PCDHGA2: variants seen among roughly 807,000 people sequenced by gnomAD.
The protein encoded by PCDHGA2 is protocadherin gamma subfamily A, 2, also known as protocadherin gamma-A2.
In PCDHGA2, 40 loss-of-function variants were observed where a neutral mutation model predicts 59.2. The observed-to-expected ratio is 0.68, with a 90% CI of 0.52 to 0.88. PCDHGA2 has a LOEUF of 0.88. Among genes scored for constraint, PCDHGA2 ranks in the 40% least tolerant of loss-of-function variants. The pLI is 0.00. For synonymous variants in PCDHGA2, 560 were observed against 526.0 expected, an observed-to-expected ratio of 1.06 and a Z score of -0.89; for missense variants, 1,226 against 1,204.0, an observed-to-expected ratio of 1.02 and a Z score of -0.27.
chr5:141,350,086 C>G, intron 1 of PCDHGA2: 1 of 443,952 alleles, frequency 2.3e-6, no homozygotes, highest in Non-Finnish European at 3.8e-6. Context: ...TCTGCAGGAG[C>G]GTCAGGCAGG....
chr5:141,405,444 G>A, intron 1 of PCDHGA2: 1 of 1,379,466 alleles, frequency 7.2e-7, no homozygotes, highest in South Asian at 1.3e-5. Flanking sequence ...TTTTGAGACA[G>A]AGTCTTACTC....
At chr5:141,388,536 G>A (rs1262935958) in intron 1 of PCDHGA2, 1 of 1,613,716 alleles carries the variant, frequency 6.2e-7, no homozygotes, top group Non-Finnish European at 8.5e-7. Context: ...CTTGGACTTT[G>A]GAGCTCCACC....
chr5:141,436,393 A>G (rs560164691), intron 1 of PCDHGA2, among the ~76,000 whole-genome samples: 2 of 152,342 alleles, frequency 1.3e-5, no homozygotes, highest in South Asian at 4.1e-4. Context: ...GCTTTATTAA[A>G]TAGTTGTTGA....
At position 141,477,284 on chromosome 5, in the gene PCDHGA2, G is replaced by A. The variant is rs751714522; in HGVS notation, c.2425-17523G>A. 5.0e-6 allele frequency: 8 copies of A among 1,614,150 alleles called. No homozygotes were observed. The South Asian group carries it at 6.6e-5, about 13-fold the overall frequency. ...TGGCGAGAACGGGCTGGTGACCTGC[G>A]AAGTTCCACCGGGTCTCCCTTTCAG... On this transcript the variant is annotated intron_variant, in intron 1 of 3. Transcript: ENST00000394576. This position sits in a 1 kb window ranked among gnomAD's most constrained non-coding sequence, Gnocchi z 4.9.
intron 1 of PCDHGA2, chr5:141,356,925 G>A: frequency 6.2e-7 from 1 of 1,614,212 alleles, no homozygotes. Context: ...CCACTGGTGT[G>A]GAGCTGGCAC....
chr5:141,384,402 GTCC>G lies in PCDHGA2; in HGVS notation c.2424+43012_2424+43014del, dbSNP rs781624552. ...AAGACACCATCCAGGGGGCTCCAGTGTCCTCCTATGTCTCCATAAACTCTGACA... is the reference window on the plus strand; with the variant it reads ...AAGACACCATCCAGGGGGCTCCAGTGTCCTATGTCTCCATAAACTCTGACA... On this transcript the variant is annotated intron_variant, in intron 1 of 3. Coordinates refer to ENST00000394576, the MANE Select transcript of PCDHGA2 (RefSeq NM_018915.4). The G allele has an allele frequency of 1.8e-5, 29 of 1,613,830 alleles. No homozygotes were observed. The African/African-American group carries it at 2.4e-4, about 13-fold the overall frequency.
intron 1 of PCDHGA2, chr5:141,400,528 A>T (rs764084750): frequency 1.9e-6 from 3 of 1,613,868 alleles, no homozygotes; most frequent in Non-Finnish European, 2.5e-6. Context: ...TGAGTTGGTG[A>T]GTTTCATTTA....
Position 141,431,072 on chromosome 5 carries a change from A to G in PCDHGA2, c.2425-63735A>G. On this transcript the variant is annotated intron_variant, in intron 1 of 3. Transcript: ENST00000394576. The surrounding 1 kb of genome is among the most constrained non-coding windows in gnomAD (Gnocchi z 4.8). ...TATGGGGGCCATCAAGTGTCAATTA[A>G]ATCTAGACATTCTGATGGAGGATAA... is the stretch of plus-strand genomic sequence containing the variant. 1 of 1,614,220 alleles carries G rather than the reference A, an allele frequency of 6.2e-7. No individual in the cohort carries two copies. Among genetic ancestry groups the G allele is most frequent in the Non-Finnish European group, 8.5e-7 (1 of 1,180,012 alleles).
At chr5:141,376,250 C>T (rs777637519) in intron 1 of PCDHGA2, 13 of 1,614,128 alleles carry the variant, frequency 8.1e-6, no homozygotes, top group African/African-American at 8.0e-5. Flanking sequence ...GCACAAGTCA[C>T]GCCTGCTGCA....
intron 1 of PCDHGA2, chr5:141,394,196 C>G (rs760903381): frequency 2.7e-5 from 44 of 1,613,792 alleles, no homozygotes; most frequent in African/African-American, 4.0e-5. Flanking sequence ...CAGCGTATAT[C>G]CTAGAGAACA....
intron 1 of PCDHGA2, among the ~76,000 whole-genome samples, chr5:141,472,725 C>T (rs1250092748): frequency 6.6e-6 from 1 of 152,022 alleles, no homozygotes; most frequent in Non-Finnish European, 1.5e-5. Flanking sequence ...GTGGCTCACA[C>T]CTGTAATCCC....
chr5:141,375,308 G>A (rs761294258), intron 1 of PCDHGA2: 1 of 1,613,722 alleles, frequency 6.2e-7, no homozygotes, highest in African/African-American at 1.3e-5. Flanking sequence ...GACAAATGCA[G>A]CTCTAGACCG....
At chr5:141,433,103 C>T (rs762225174) in intron 1 of PCDHGA2, 3 of 1,614,126 alleles carry the variant, frequency 1.9e-6, no homozygotes, top group Non-Finnish European at 2.5e-6. Flanking sequence ...GCTCGTCAGC[C>T]AGGAGAGCTT....
At chr5:141,475,046 T>C (rs1430484084) in intron 1 of PCDHGA2, among the ~76,000 whole-genome samples, 1 of 152,274 alleles carries the variant, frequency 6.6e-6, no homozygotes, top group African/African-American at 2.4e-5. Context: ...CTTTGTATTT[T>C]CTAAAGATTT....
chr5:141,399,146 G>T (rs758823968), intron 1 of PCDHGA2: 1 of 1,613,792 alleles, frequency 6.2e-7, no homozygotes, highest in East Asian at 2.2e-5. Context: ...AATGACAATA[G>T]CCCAGAAGTT....
chr5:141,403,109 G>A (rs754708762), intron 1 of PCDHGA2: 3 of 1,614,074 alleles, frequency 1.9e-6, no homozygotes. Context: ...CAAGGACCTG[G>A]CTCTGGAGCC....
intron 1 of PCDHGA2, among the ~76,000 whole-genome samples, chr5:141,456,046 C>T (rs759479772): frequency 1.3e-5 from 2 of 151,904 alleles, no homozygotes; most frequent in Non-Finnish European, 2.9e-5. Context: ...TACAGGCGCC[C>T]ACCACCACGT....
chr5:141,435,686 T>C (rs2097774326), intron 1 of PCDHGA2, among the ~76,000 whole-genome samples: 1 of 152,340 alleles, frequency 6.6e-6, no homozygotes, highest in Non-Finnish European at 1.5e-5. Flanking sequence ...GAGAACTTTA[T>C]GCTTATTGTA....
rs767489656 is a variant in PCDHGA2, at chr5:141,340,261, C to G, written c.1290C>G (p.Pro430=). The change falls in exon 1 of 4, where the codon CCC becomes CCG. Residue 430 remains proline, a synonymous_variant. Transcript: ENST00000394576. The part of the protein sequence containing the change: ...ITLTAKDGGN[P]SLSTDAHILL... ...TAACCGCTAAAGATGGAGGGAACCC[C>G]TCCCTGTCCACGGATGCTCACATTT... The G allele has an allele frequency of 3.7e-6, 6 of 1,614,080 alleles. No homozygotes were observed. In the African/African-American group the frequency reaches 8.0e-5, roughly 22 times the overall value.
Sources: allele counts gnomAD v4.1 joint callset (sites outside exome capture counted in the v4.1 genomes callset), GRCh38; gene constraint gnomAD v4.1.1; non-coding constraint Gnocchi (gnomAD v3.1); transcripts MANE v1.5; gene names NCBI Gene and HGNC (gene_info 2026-07-23, HGNC 2026-07-21).